The following CSMD3 variants were observed in gnomAD, a reference collection of about 807,000 sequenced individuals.
The protein encoded by CSMD3 is CUB and Sushi multiple domains 3.
Under a neutral mutation model 435.2 loss-of-function variants are expected in CSMD3, and 177 were observed. The ratio of observed to expected loss-of-function variants is 0.41; its 90% CI spans 0.36 to 0.46. The LOEUF (loss-of-function observed/expected upper bound fraction) is 0.46. Among genes scored for constraint, CSMD3 ranks in the 20% least tolerant of loss-of-function variants. The pLI is 0.34. For missense variants in CSMD3, 4,265 were observed against 4,504.6 expected, an observed-to-expected ratio of 0.95 and a Z score of 1.52; for synonymous variants, 1,656 against 1,520.5, an observed-to-expected ratio of 1.09 and a Z score of -2.07.
At chr8:112,586,879 A>G (rs957701943) in intron 23 of CSMD3, among the ~76,000 whole-genome samples, 187 bp downstream of exon 23, 4 of 151,574 alleles carry the variant, frequency 2.6e-5, no homozygotes, top group Non-Finnish European at 5.9e-5. Context: ...AACAAAACAT[A>G]CTATTTCAAT....
In CSMD3 at chr8:112,848,815, A is replaced by G. The variant is rs922305441; in HGVS notation, c.1755+10330T>C. 4.2e-4 allele frequency among the ~76,000 whole-genome samples: 64 copies of G among 152,048 alleles called. 2 individuals carry two copies. Among genetic ancestry groups the G allele is most frequent in the Non-Finnish European group, 1.3e-4 (9 of 67,954 alleles). On this transcript the variant is annotated intron_variant, in intron 11 of 70. Transcript: ENST00000297405. ...ACATTCTATCCATGTCTTATTCCACAAAAGAAAGGCTTTTATAAGTAGGGT... is the reference window on the plus strand; with the variant it reads ...ACATTCTATCCATGTCTTATTCCACGAAAGAAAGGCTTTTATAAGTAGGGT...
At chr8:113,289,597 C>A (rs993762254) in intron 2 of CSMD3, among the ~76,000 whole-genome samples, 2 of 143,870 alleles carry the variant, frequency 1.4e-5, no homozygotes, top group Non-Finnish European at 3.1e-5. Flanking sequence ...AGAAATACAT[C>A]TGTGTCTTTA....
intron 63 of CSMD3, 64 bp downstream of exon 63, chr8:112,254,189 C>T (rs1181287186): frequency 1.9e-6 from 2 of 1,057,492 alleles, no homozygotes; most frequent in Non-Finnish European, 3.0e-6. Context: ...AGATTATATG[C>T]ATATGAACCA....
intron 63 of CSMD3, among the ~76,000 whole-genome samples, chr8:112,247,739 A>G (rs1415160950): frequency 6.6e-6 from 1 of 152,120 alleles, no homozygotes. Flanking sequence ...TCTCCTAGGA[A>G]TTTGTTAAAA....
At chr8:112,548,348 C>T (rs1427767803) in intron 27 of CSMD3, among the ~76,000 whole-genome samples, 2 of 152,064 alleles carry the variant, frequency 1.3e-5, no homozygotes, top group Non-Finnish European at 2.9e-5. Flanking sequence ...TGTAGAACTC[C>T]ATTGCAGCTA....
chr8:113,195,155 T>G (rs1292962296), intron 3 of CSMD3, among the ~76,000 whole-genome samples: 1 of 151,212 alleles, frequency 6.6e-6, no homozygotes, highest in African/African-American at 2.4e-5. Flanking sequence ...ATTTTTTTCC[T>G]TTCTTTCTTA....
At chr8:113,216,507 TA>T (rs74935196) in intron 3 of CSMD3, among the ~76,000 whole-genome samples, 2 of 151,956 alleles carry the variant, frequency 1.3e-5, no homozygotes, top group South Asian at 2.1e-4. Flanking sequence ...CACATTTTTT[TA>T]AAATTTCAAA....
intron 1 of CSMD3, among the ~76,000 whole-genome samples, chr8:113,422,942 T>C (rs2094615962): frequency 6.6e-6 from 1 of 151,986 alleles, no homozygotes; most frequent in Non-Finnish European, 1.5e-5. Flanking sequence ...TTTTAAAAAA[T>C]TTTGAATATG....
At chr8:112,830,973 G>C (rs1398347063) in intron 11 of CSMD3, among the ~76,000 whole-genome samples, 1 of 151,850 alleles carries the variant, frequency 6.6e-6, no homozygotes, top group Non-Finnish European at 1.5e-5. Flanking sequence ...ATTTTTAATA[G>C]AGACGGGGTT....
intron 10 of CSMD3, among the ~76,000 whole-genome samples, chr8:112,897,784 C>A (rs145093823): frequency 6.9e-6 from 1 of 145,932 alleles, no homozygotes. Context: ...AGGCATAAAG[C>A]GGGAGGAAAA....
chr8:113,163,804 C>G (rs1478469125), intron 4 of CSMD3, among the ~76,000 whole-genome samples: 2 of 152,020 alleles, frequency 1.3e-5, no homozygotes, highest in Non-Finnish European at 2.9e-5. Context: ...TTTACTGACT[C>G]TGTGAATACA....
intron 4 of CSMD3, among the ~76,000 whole-genome samples, chr8:113,150,827 T>G (rs575768454): frequency 1.3e-5 from 2 of 151,964 alleles, no homozygotes; most frequent in Non-Finnish European, 2.9e-5. Flanking sequence ...AGAAGGGGAA[T>G]AGTATTGTAA....
intron 5 of CSMD3, among the ~76,000 whole-genome samples, chr8:113,063,114 T>G (rs1003553046): frequency 2.6e-5 from 4 of 151,582 alleles, no homozygotes; most frequent in Admixed American, 2.0e-4. Flanking sequence ...CTACAAATAT[T>G]TTACATTTGA....
intron 22 of CSMD3, among the ~76,000 whole-genome samples, chr8:112,596,315 A>G (rs1211753432): frequency 6.6e-6 from 1 of 152,186 alleles, no homozygotes; most frequent in Non-Finnish European, 1.5e-5. Flanking sequence ...AGAAGAGCTA[A>G]CTATCCAAAA....
Position 112,263,729 on chromosome 8 carries a change from T to G in CSMD3, c.9772A>C (p.Ile3258Leu), listed in dbSNP as rs1381559769. The G allele has an allele frequency of 6.2e-7, 1 of 1,613,834 alleles. No homozygotes were observed. The highest frequency in any genetic ancestry group is 8.5e-7 in the Non-Finnish European group (1 of 1,179,772). Reference sequence around the variant, plus strand: ...GATAGCTCATAGCCTGGAGAACAGATGTAGCTAATACTAAAGCCCCAGTCG... The same window carrying G: ...GATAGCTCATAGCCTGGAGAACAGAGGTAGCTAATACTAAAGCCCCAGTCG... ...NFDWGFSISY[I>L]CSPGYELSFP... The change falls in exon 61 of 71, where the codon ATC becomes CTC. Residue 3258 changes from isoleucine (I) to leucine (L), a missense_variant. By Grantham distance (5) the Ile-to-Leu change is conservative (BLOSUM62 2). Coordinates refer to ENST00000297405, the MANE Select transcript of CSMD3 (RefSeq NM_198123.2).
chr8:112,877,903 A>C (rs1021050227), intron 10 of CSMD3, among the ~76,000 whole-genome samples: 4 of 152,180 alleles, frequency 2.6e-5, no homozygotes, highest in East Asian at 3.9e-4. Flanking sequence ...CTTACACCTT[A>C]TACAAAAATT....
intron 27 of CSMD3, among the ~76,000 whole-genome samples, chr8:112,545,482 C>CAAAAAAAAA (rs71566032): frequency 4.5e-4 from 12 of 26,838 alleles, no homozygotes; most frequent in African/African-American, 9.1e-4. Context: ...GACTCCATCT[C>CAAAAAAAAA]AAAAAAAAAA....
At chr8:112,662,800 C>T (rs938428169) in intron 17 of CSMD3, among the ~76,000 whole-genome samples, 19 of 152,018 alleles carry the variant, frequency 1.2e-4, no homozygotes, top group Non-Finnish European at 2.5e-4. Flanking sequence ...TATCCAGAAT[C>T]TACAATGAAC....
chr8:112,487,590 C>A (rs930762220), intron 31 of CSMD3, among the ~76,000 whole-genome samples: 4 of 152,036 alleles, frequency 2.6e-5, no homozygotes, highest in Non-Finnish European at 4.4e-5. Flanking sequence ...ATGATATAAT[C>A]TGAATTATGC....
Sources: allele counts gnomAD v4.1 joint callset (sites outside exome capture counted in the v4.1 genomes callset), GRCh38; gene constraint gnomAD v4.1.1; transcripts MANE v1.5; gene names NCBI Gene and HGNC (gene_info 2026-07-23, HGNC 2026-07-21).